Variants in PKHD1L1 observed in about 807,000 individuals in gnomAD.
PKHD1L1 encodes the protein fibrocystin-L.
A neutral mutation model predicts 462.9 loss-of-function variants in PKHD1L1; 434 were observed. That is an observed-to-expected ratio of 0.94 (90% CI 0.87 to 1.02). The LOEUF is 1.02. PKHD1L1 is among the 50% of genes least tolerant of loss of function. The probability of loss-of-function intolerance (pLI) is 0.00; values close to 1 mark genes in which losing one functional copy is unlikely to be tolerated. For synonymous variants in PKHD1L1, 1,781 were observed against 1,750.0 expected (o/e 1.02, Z -0.44); for missense variants, 5,202 against 5,096.1 (o/e 1.02, Z -0.63).
At chr8:109,443,583 C>T in intron 36 of PKHD1L1, 93 bp from the exon 37 acceptor site, 1 of 996,036 alleles carries the variant, frequency 1.0e-6, no homozygotes. Flanking sequence ...GAATTTAAAC[C>T]ATCATCATCA....
chr8:109,498,727 G>A lies in PKHD1L1; in HGVS notation c.10784G>A (p.Gly3595Glu). 2 of 1,613,928 alleles carry A rather than the reference G, an allele frequency of 1.2e-6. No individual in the cohort carries two copies. Among genetic ancestry groups the A allele is most frequent in the Non-Finnish European group, 1.7e-6 (2 of 1,179,852 alleles). ...HNMAPRKPHAGIMSYNAISGL... is the reference protein window; with the variant it reads ...HNMAPRKPHAEIMSYNAISGL... Reference sequence around the variant, plus strand: ...ATGGCACCCCGAAAGCCCCATGCAGGAATCATGAGTTACAATGCCATCAGT... The same window carrying A: ...ATGGCACCCCGAAAGCCCCATGCAGAAATCATGAGTTACAATGCCATCAGT... The change falls in exon 67 of 78, where the codon GGA (glycine) becomes GAA (glutamate). Residue 3595 changes from glycine (G) to glutamate (E), a missense_variant. By Grantham distance (98) the Gly-to-Glu change is moderately conservative. Coordinates refer to ENST00000378402, the MANE Select transcript of PKHD1L1 (RefSeq NM_177531.6).
intron 72 of PKHD1L1, 66 bp downstream of exon 72, chr8:109,515,371 G>T (rs1472621852): frequency 2.5e-6 from 3 of 1,222,562 alleles, no homozygotes; most frequent in East Asian, 6.0e-5. Context: ...TTAAGTGTCT[G>T]ATTATTAGTA....
At chr8:109,367,405 A>G (rs1461925952) in intron 2 of PKHD1L1, among the ~76,000 whole-genome samples, 1 of 152,252 alleles carries the variant, frequency 6.6e-6, no homozygotes, top group African/African-American at 2.4e-5. Context: ...TATTTTTGTA[A>G]AAGTCATTAT....
At chr8:109,514,232 AC>A (rs1392527118) in intron 71 of PKHD1L1, among the ~76,000 whole-genome samples, 2 of 151,944 alleles carry the variant, frequency 1.3e-5, no homozygotes, top group Non-Finnish European at 2.9e-5. Context: ...CTCAGATTCC[AC>A]TTTCTCAATA....
intron 67 of PKHD1L1, among the ~76,000 whole-genome samples, chr8:109,503,862 G>A (rs1350383469): frequency 1.3e-5 from 2 of 152,150 alleles, no homozygotes; most frequent in African/African-American, 4.8e-5. Context: ...GCTATGGGCT[G>A]GTTAGTCTAG....
At chr8:109,490,332 T>C (rs1034139258) in intron 60 of PKHD1L1, among the ~76,000 whole-genome samples, 2 of 151,778 alleles carry the variant, frequency 1.3e-5, no homozygotes, top group Non-Finnish European at 2.9e-5. Flanking sequence ...CACTTTATTT[T>C]GCAATGACCA....
At chr8:109,440,906 A>G in intron 33 of PKHD1L1, 54 bp downstream of exon 33, 1 of 1,548,458 alleles carries the variant, frequency 6.5e-7, no homozygotes, top group Non-Finnish European at 8.7e-7. Context: ...CTTAAAGGAT[A>G]TACTACAGGT....
chr8:109,389,970 C>CT lies in PKHD1L1; in HGVS notation c.698-471dup, dbSNP rs530186549. 6.3e-3 allele frequency among the ~76,000 whole-genome samples: 928 copies of CT among 147,986 alleles called. 12 individuals carry two copies. The highest frequency in any genetic ancestry group is 0.021 in the African/African-American group (864 of 40,472). ...TCTTACATTCTCAAAGCTCATACTA[C>CT]TTTTTTTTTTTAAATAGCATTATCA... On this transcript the variant is annotated intron_variant, in intron 8 of 77. Transcript: ENST00000378402.
Position 109,483,079 on chromosome 8 carries a change from T to C in PKHD1L1, c.9550T>C (p.Ser3184Pro). 1 of 1,598,956 alleles carries C rather than the reference T, an allele frequency of 6.3e-7. No individual in the cohort carries two copies. The highest frequency in any genetic ancestry group is 8.5e-7 in the Non-Finnish European group (1 of 1,172,624). The change falls in exon 57 of 78, where the codon TCT becomes CCT. Residue 3184 changes from serine (S) to proline (P), a missense_variant. Around this residue, in one of 3 missense-constraint regions of PKHD1L1, gnomAD observed 4,497 missense variants for 4,336.8 expected, o/e 1.04. Coordinates refer to ENST00000378402, the MANE Select transcript of PKHD1L1 (RefSeq NM_177531.6). Reference protein sequence around the residue: ...ETAFAGSKVLSLMDAVDWQEG... With the variant: ...ETAFAGSKVLPLMDAVDWQEG... ...TGCATTTGCAGGTTCCAAAGTCCTGTCTCTGATGGATGCTGTGGATTGGCA... is the reference window on the plus strand; with the variant it reads ...TGCATTTGCAGGTTCCAAAGTCCTGCCTCTGATGGATGCTGTGGATTGGCA...
intron 62 of PKHD1L1, 44 bp downstream of exon 62, chr8:109,492,038 C>A: frequency 7.6e-7 from 1 of 1,312,878 alleles, no homozygotes; most frequent in Non-Finnish European, 1.0e-6. Flanking sequence ...ATAATTATAT[C>A]AGTTATTGAA....
Position 109,400,363 on chromosome 8 carries a change from A to G in PKHD1L1, c.1281+19A>G. 2 of 1,595,788 alleles carry G rather than the reference A, an allele frequency of 1.3e-6. No homozygotes were observed. The highest frequency in any genetic ancestry group is 1.1e-5 in the South Asian group (1 of 89,452). ...AGATAAGGTAGGGAAGCCTCAGAAT[A>G]CTATTTGATACTGTAAAAACATTAT... On this transcript the variant is annotated intron_variant, in intron 13 of 77. Transcript: ENST00000378402.
chr8:109,445,081 A>T lies in PKHD1L1; in HGVS notation c.5212A>T (p.Asn1738Tyr). ...IHGVPAQCQG[N>Y]CTFSYLESIT... ...TGGAGTGCCTGCCCAGTGCCAGGGA[A>T]ACTGCACCTTTTCATACTTAGAAAG... Residue 1738 changes from asparagine to tyrosine, a missense_variant, in exon 38 of 78, where the codon AAC becomes TAC. Physicochemically the swap from Asn to Tyr is moderately radical, Grantham distance 143. Transcript: ENST00000378402. The T allele has an allele frequency of 6.2e-7, 1 of 1,613,968 alleles. No homozygotes were observed. The highest frequency in any genetic ancestry group is 8.5e-7 in the Non-Finnish European group (1 of 1,179,892).
In PKHD1L1 at chr8:109,415,869, G is replaced by A. The variant is rs759853264; in HGVS notation, c.2360+2324G>A. ...TCTTAAAAAAAAAAAAAAGGGGTGT[G>A]TGTGTGTGTGTGTGTGTGTGTGTGT... On this transcript the variant is annotated intron_variant, in intron 21 of 77. Coordinates refer to ENST00000378402, the MANE Select transcript of PKHD1L1 (RefSeq NM_177531.6). Among the ~76,000 whole-genome samples the A allele has an allele frequency of 6.4e-3, 804 of 125,514 alleles. 8 individuals carry two copies. The highest frequency in any genetic ancestry group is 0.026 in the Middle Eastern group (6 of 232). 82.3% of individuals were successfully genotyped at this position (125,514 alleles called of 152,430 possible).
chr8:109,443,932 CTATTA>C (rs1815965231), intron 37 of PKHD1L1, 30 bp downstream of exon 37: 2 of 1,493,686 alleles, frequency 1.3e-6, no homozygotes, highest in South Asian at 1.2e-5. Flanking sequence ...CTTTGTACTT[CTATTA>C]TATGTTCCCA....
At chr8:109,384,582 T>C (rs1259232638) in intron 5 of PKHD1L1, among the ~76,000 whole-genome samples, 1 of 152,020 alleles carries the variant, frequency 6.6e-6, no homozygotes, top group Non-Finnish European at 1.5e-5. Context: ...AATGGCTATA[T>C]CTTCATCTAC....
chr8:109,469,156 C>T (rs556413268), intron 50 of PKHD1L1, among the ~76,000 whole-genome samples: 13 of 152,162 alleles, frequency 8.5e-5, no homozygotes, highest in Admixed American at 1.3e-4. Flanking sequence ...TTTTAGATTC[C>T]GTTATTCTTA....
intron 41 of PKHD1L1, 135 bp from the exon 42 acceptor site, chr8:109,451,989 T>A: frequency 4.3e-6 from 3 of 693,606 alleles, no homozygotes; most frequent in South Asian, 5.4e-5. Flanking sequence ...AAAAAAAGCA[T>A]CAATCTACAC....
chr8:109,439,424 A>G (rs1343739215), intron 32 of PKHD1L1, among the ~76,000 whole-genome samples: 1 of 152,118 alleles, frequency 6.6e-6, no homozygotes, highest in South Asian at 2.1e-4. Context: ...TTAGAGTGGC[A>G]TCTCCCCTGC....
At position 109,526,892 on chromosome 8, in the gene PKHD1L1, G is replaced by C. The variant is rs1563642326; in HGVS notation, c.12593G>C (p.Ser4198Thr). Residue 4198 changes from serine (S) to threonine (T), a missense_variant, in exon 77 of 78, where the codon AGC becomes ACC. Ser to Thr is a moderately conservative substitution (Grantham distance 58). This residue lies in a region of PKHD1L1 where 698 missense variants were observed against 736.3 expected (regional missense o/e 0.95). Coordinates refer to ENST00000378402, the MANE Select transcript of PKHD1L1 (RefSeq NM_177531.6). ...TCTAGCAGTGGCAGCAGCAGCAGCAGCAACAGCAAAGCATCAACTGTGGGT... is the reference window on the plus strand; with the variant it reads ...TCTAGCAGTGGCAGCAGCAGCAGCACCAACAGCAAAGCATCAACTGTGGGT... ...SVSSSGSSSS[S>T]NSKASTVGTY... The C allele has an allele frequency of 6.2e-7, 1 of 1,611,056 alleles. No homozygotes were observed.
Sources: allele counts gnomAD v4.1 joint callset (sites outside exome capture counted in the v4.1 genomes callset), GRCh38; gene constraint gnomAD v4.1.1; regional missense constraint gnomAD v4.1.1; transcripts MANE v1.5; gene names NCBI Gene and HGNC (gene_info 2026-07-23, HGNC 2026-07-21).